PDLIM3: variants seen among roughly 807,000 people sequenced by gnomAD.
PDLIM3 encodes PDZ and LIM domain 3, also known as PDZ and LIM domain protein 3.
Under a neutral mutation model 37.3 loss-of-function variants are expected in PDLIM3, and 36 were observed. That is an observed-to-expected ratio of 0.97 (90% CI 0.74 to 1.28). The LOEUF (loss-of-function observed/expected upper bound fraction) is 1.28. Ranked by LOEUF, PDLIM3 falls within the 50% of genes most tolerant of loss-of-function variation. The pLI is 0.00. For missense variants in PDLIM3, 454 were observed against 485.0 expected (o/e 0.94, Z 0.60); for synonymous variants, 174 against 182.4 (o/e 0.95, Z 0.37).
At chr4:185,528,772 G>C (rs1182737964) in intron 1 of PDLIM3, among the ~76,000 whole-genome samples, 2 of 152,194 alleles carry the variant, frequency 1.3e-5, no homozygotes, top group African/African-American at 4.8e-5. Flanking sequence ...AATAGAGAGA[G>C]GAATGAGAGA....
intron 1 of PDLIM3, among the ~76,000 whole-genome samples, chr4:185,532,601 A>G (rs1561206619): frequency 6.6e-6 from 1 of 152,170 alleles, no homozygotes; most frequent in Non-Finnish European, 1.5e-5. Context: ...CGTGTGGAAC[A>G]AGGGGAGGAA....
At chr4:185,515,013 AT>A in intron 3 of PDLIM3, 1 of 734,726 alleles carries the variant, frequency 1.4e-6, no homozygotes, top group Non-Finnish European at 2.1e-6. Context: ...TGACGGAAAG[AT>A]TAGAGGAGGA....
At chr4:185,528,562 C>T (rs913128245) in intron 1 of PDLIM3, among the ~76,000 whole-genome samples, 12 of 152,352 alleles carry the variant, frequency 7.9e-5, no homozygotes, top group African/African-American at 2.6e-4. Flanking sequence ...AAAACTGGCT[C>T]TGGCTTTCAG....
intron 1 of PDLIM3, among the ~76,000 whole-genome samples, chr4:185,531,601 T>G (rs1483822813): frequency 6.6e-6 from 1 of 152,170 alleles, no homozygotes; most frequent in African/African-American, 2.4e-5. Flanking sequence ...CAAACTCTGG[T>G]TGGAGCCCCA....
In PDLIM3 at chr4:185,514,998, G is replaced by A; in HGVS notation, c.331-661C>T. The A allele has an allele frequency of 3.6e-6, 3 of 828,112 alleles. No homozygotes were observed. The highest frequency in any genetic ancestry group is 5.4e-6 in the Non-Finnish European group (3 of 552,014). The allele number at this position is 828,112 out of a possible 1,614,324, so 51.3% of individuals were successfully genotyped here. Reference sequence around the variant, plus strand: ...TAATAAAGGCATCTTTACCCACGACGAGATTGACGGAAAGATTAGAGGAGG... The same window carrying A: ...TAATAAAGGCATCTTTACCCACGACAAGATTGACGGAAAGATTAGAGGAGG... On this transcript the variant is annotated intron_variant, in intron 3 of 7. Transcript: ENST00000284767. The surrounding 1 kb of genome is among the most constrained non-coding windows in gnomAD (Gnocchi z 4.0).
At chr4:185,525,380 T>A (rs929675780) in intron 1 of PDLIM3, among the ~76,000 whole-genome samples, 1 of 152,244 alleles carries the variant, frequency 6.6e-6, no homozygotes, top group Admixed American at 6.5e-5. Flanking sequence ...ACTAACCACA[T>A]TTCATATCCT....
At chr4:185,503,428 G>A (rs1018100744) in intron 7 of PDLIM3, among the ~76,000 whole-genome samples, 1 of 152,152 alleles carries the variant, frequency 6.6e-6, no homozygotes, top group Non-Finnish European at 1.5e-5. Context: ...GCCCTGCTTT[G>A]ACCTTTTGGT....
intron 4 of PDLIM3, chr4:185,513,919 C>T (rs2095710608): frequency 8.4e-6 from 10 of 1,195,986 alleles, no homozygotes; most frequent in South Asian, 1.7e-5. Context: ...TTTCCATGCT[C>T]GCTCCTGCTG....
intron 4 of PDLIM3, chr4:185,513,169 T>C: frequency 1.0e-6 from 1 of 982,570 alleles, no homozygotes. Flanking sequence ...TGAGCTCACG[T>C]TCTAGGGGGG....
chr4:185,506,776 A>G, intron 5 of PDLIM3, 124 bp from the exon 6 acceptor site: 2 of 815,774 alleles, frequency 2.5e-6, no homozygotes, highest in South Asian at 3.1e-5. Flanking sequence ...GAGGTCTAGT[A>G]TTTTCAAGTG....
chr4:185,523,305 G>T, intron 3 of PDLIM3, 57 bp downstream of exon 3: 1 of 1,198,202 alleles, frequency 8.3e-7, no homozygotes, highest in South Asian at 1.2e-5. Context: ...CCCTTGGAAG[G>T]CATCCCCATG....
chr4:185,529,036 C>T (rs920381625), intron 1 of PDLIM3, among the ~76,000 whole-genome samples: 2 of 152,096 alleles, frequency 1.3e-5, no homozygotes, highest in South Asian at 2.1e-4. Context: ...TGTTTGTCAG[C>T]GGATTATTTT....
chr4:185,525,218 C>G (rs1359832576), intron 1 of PDLIM3, 47 bp from the exon 2 acceptor site: 1 of 1,599,072 alleles, frequency 6.3e-7, no homozygotes, highest in East Asian at 2.2e-5. Context: ...CCCGCAGTAT[C>G]TTGAGTTTTG....
At position 185,508,498 on chromosome 4, in the gene PDLIM3, TACTGACAGAAGAAGGGGTGCTGCGTCC is replaced by T; in HGVS notation, c.436_462del (p.Gly146_Ser154del). On this transcript the variant is annotated inframe_deletion, in exon 5 of 8. Transcript: ENST00000284767. The stretch of plus-strand genomic sequence containing the variant: ...TCACCTGGGCAAATGGTACTAACAG[TACTGACAGAAGAAGGGGTGCTGCGTCC>T]ACTGCCACAGTCAATCCCGGAGGGA... 3 of 1,614,144 alleles carry T rather than the reference TACTGACAGAAGAAGGGGTGCTGCGTCC, an allele frequency of 1.9e-6. No homozygotes were observed. The South Asian group carries it at 3.3e-5, about 18-fold the overall frequency.
rs570229760 is a variant in PDLIM3 at position 185,506,773 on chromosome 4, A to G, written c.663-121T>C. On this transcript the variant is annotated intron_variant, in intron 5 of 7. Coordinates refer to ENST00000284767, the MANE Select transcript of PDLIM3 (RefSeq NM_014476.6). The stretch of plus-strand genomic sequence containing the variant: ...CACAGCCACTCCTGAACAGAGGTCT[A>G]GTATTTTCAAGTGAATCTCTAGTAT... 73 of 810,312 alleles carry G rather than the reference A, an allele frequency of 9.0e-5. No individual in the cohort carries two copies. The African/African-American group carries it at 1.1e-3, about 12-fold the overall frequency. The allele number at this position is 810,312 out of a possible 1,614,324, so 50.2% of individuals were successfully genotyped here.
At chr4:185,523,297 C>T (rs1045966022) in intron 3 of PDLIM3, 65 bp downstream of exon 3, 24 of 1,147,028 alleles carry the variant, frequency 2.1e-5, no homozygotes, top group Non-Finnish European at 3.0e-5. Flanking sequence ...TCTTCCTCCC[C>T]TTGGAAGGCA....
chr4:185,526,203 C>G (rs1284443690), intron 1 of PDLIM3, among the ~76,000 whole-genome samples: 1 of 152,174 alleles, frequency 6.6e-6, no homozygotes, highest in Non-Finnish European at 1.5e-5. Context: ...TGCTAAAGAT[C>G]CAGTGTGAGT....
chr4:185,532,698 CAA>C (rs1295607341), intron 1 of PDLIM3, among the ~76,000 whole-genome samples: 2 of 152,168 alleles, frequency 1.3e-5, no homozygotes, highest in African/African-American at 4.8e-5. Flanking sequence ...GAATGTTGTG[CAA>C]AGACACGCAT....
chr4:185,531,926 TAA>T (rs33963949), intron 1 of PDLIM3, among the ~76,000 whole-genome samples: 1 of 105,910 alleles, frequency 9.4e-6, no homozygotes. Flanking sequence ...CTATCTCTAC[TAA>T]AAAAAAAAAA....
Sources: gnomAD v4.1 joint callset for allele counts (sites outside exome capture counted in the v4.1 genomes callset) on GRCh38, gnomAD v4.1.1 for gene constraint, Gnocchi (gnomAD v3.1) non-coding constraint, MANE v1.5 for transcripts, NCBI Gene and HGNC (gene_info 2026-07-23, HGNC 2026-07-21) for gene names.